The following DOCK1 variants were observed in gnomAD, a reference collection of about 807,000 sequenced individuals.
DOCK1 encodes dedicator of cytokinesis 1, also known as dedicator of cytokinesis protein 1.
A neutral mutation model predicts 262.7 loss-of-function variants in DOCK1; 138 were observed. The observed-to-expected ratio is 0.53, with a 90% CI of 0.46 to 0.61. The LOEUF is 0.61. Among genes scored for constraint, DOCK1 ranks in the 20% least tolerant of loss-of-function variants. The pLI is 0.00. For synonymous variants in DOCK1, 866 were observed against 867.4 expected, an observed-to-expected ratio of 1.00 and a Z score of 0.03; for missense variants, 1,908 against 2,370.7, an observed-to-expected ratio of 0.80 and a Z score of 4.05.
intron 1 of DOCK1, among the ~76,000 whole-genome samples, chr10:126,932,108 C>A (rs1037089907): frequency 1.3e-5 from 2 of 152,144 alleles, no homozygotes; most frequent in Non-Finnish European, 2.9e-5. Context: ...CAAAGCTGAA[C>A]TCCAGAATCA....
intron 27 of DOCK1, among the ~76,000 whole-genome samples, chr10:127,197,902 A>T (rs559216114): frequency 1.3e-5 from 2 of 152,192 alleles, no homozygotes; most frequent in African/African-American, 4.8e-5. Context: ...AGAAGAAAAA[A>T]AAATCTAAAA....
intron 26 of DOCK1, among the ~76,000 whole-genome samples, chr10:127,126,834 A>G (rs1227586097): frequency 6.6e-6 from 1 of 152,054 alleles, no homozygotes; most frequent in Admixed American, 6.6e-5. Context: ...CACCACGCCC[A>G]TATACCTGGC....
At chr10:126,931,334 G>A (rs2034171605) in intron 1 of DOCK1, among the ~76,000 whole-genome samples, 4 of 152,138 alleles carry the variant, frequency 2.6e-5, no homozygotes, top group South Asian at 4.2e-4. Flanking sequence ...GCATTTGCAC[G>A]CTGTGCAGCT....
rs1337514650 is a variant in DOCK1 at position 127,327,076 on chromosome 10, G to C, written c.3045-11930G>C. Among the ~76,000 whole-genome samples, 4 of 152,368 alleles carry C rather than the reference G, an allele frequency of 2.6e-5. No individual in the cohort carries two copies. The East Asian group carries it at 7.7e-4, about 29-fold the overall frequency. On this transcript the variant is annotated intron_variant, in intron 29 of 51. Transcript: ENST00000623213. ...CTTGCATTTATAGAGCATATGCAGA[G>C]TAGATTTAGCATAATTCTTAAGGGC...
Position 127,168,823 on chromosome 10 carries a change from G to T in DOCK1, c.2847+41059G>T, listed in dbSNP as rs568754161. Among the ~76,000 whole-genome samples, 127 of 152,294 alleles carry T rather than the reference G, an allele frequency of 8.3e-4. 1 individual carries two copies. Among genetic ancestry groups the T allele is most frequent in the Non-Finnish European group, 1.1e-3 (78 of 68,030 alleles). On this transcript the variant is annotated intron_variant, in intron 27 of 51. Transcript: ENST00000623213. ...TCCTCAGCGTTTATGCACAGCTGCT[G>T]CAGCGGTGCACAATTTTCCATGTGG... is the stretch of plus-strand genomic sequence containing the variant.
intron 1 of DOCK1, among the ~76,000 whole-genome samples, chr10:126,920,671 A>G (rs1564983487): frequency 6.6e-6 from 1 of 152,236 alleles, no homozygotes; most frequent in East Asian, 1.9e-4. Flanking sequence ...GATCTAGAAA[A>G]TAAATACTTT....
intron 1 of DOCK1, among the ~76,000 whole-genome samples, chr10:126,912,446 A>T (rs1342422320): frequency 8.2e-5 from 12 of 146,394 alleles, no homozygotes; most frequent in African/African-American, 2.8e-4. Flanking sequence ...AAAAAAAGAG[A>T]CCGGGCGCGG....
intron 29 of DOCK1, among the ~76,000 whole-genome samples, chr10:127,284,930 C>G (rs1160568857): frequency 1.3e-5 from 2 of 151,950 alleles, no homozygotes; most frequent in African/African-American, 2.4e-5. Flanking sequence ...CCCAAAAGTT[C>G]AAAACTAGAC....
At chr10:127,322,548 G>A (rs1264905061) in intron 29 of DOCK1, among the ~76,000 whole-genome samples, 2 of 152,160 alleles carry the variant, frequency 1.3e-5, no homozygotes, top group Non-Finnish European at 2.9e-5. Flanking sequence ...ACCCAATCCA[G>A]CCCTCCATCT....
chr10:127,419,641 G>T, intron 45 of DOCK1, 25 bp from the exon 46 acceptor site: 1 of 1,583,710 alleles, frequency 6.3e-7, no homozygotes, highest in Non-Finnish European at 8.6e-7. Flanking sequence ...CAGGTGCACT[G>T]AGCAACTCTC....
chr10:127,264,404 G>A (rs758687647), intron 29 of DOCK1, among the ~76,000 whole-genome samples: 4 of 152,126 alleles, frequency 2.6e-5, no homozygotes, highest in African/African-American at 9.7e-5. Context: ...TGGGACCTAC[G>A]GGAAATAATG....
chr10:126,962,155 G>T (rs1346687386), intron 1 of DOCK1, among the ~76,000 whole-genome samples: 1 of 138,850 alleles, frequency 7.2e-6, no homozygotes, highest in Admixed American at 7.8e-5. Flanking sequence ...GTACCACCAT[G>T]CCCGACTCTT....
At chr10:127,236,911 A>G (rs183451076) in intron 27 of DOCK1, among the ~76,000 whole-genome samples, 1 of 152,282 alleles carries the variant, frequency 6.6e-6, no homozygotes, top group East Asian at 1.9e-4. Context: ...GATGAGGAAA[A>G]CGAGGCTCAG....
chr10:127,347,877 C>A, intron 31 of DOCK1, among the ~76,000 whole-genome samples: 1 of 84,286 alleles, frequency 1.2e-5, no homozygotes, highest in South Asian at 5.7e-4. Flanking sequence ...CCCTTCCCTT[C>A]CCTTCCCATC....
intron 27 of DOCK1, among the ~76,000 whole-genome samples, chr10:127,215,878 G>T (rs1212394818): frequency 2.0e-5 from 3 of 147,898 alleles, no homozygotes; most frequent in Non-Finnish European, 4.4e-5. Flanking sequence ...AATAATCCCT[G>T]CAGTGAAACA....
chr10:126,970,280 C>G (rs571235558), intron 1 of DOCK1, among the ~76,000 whole-genome samples: 1 of 152,272 alleles, frequency 6.6e-6, no homozygotes, highest in South Asian at 2.1e-4. Context: ...TTTTTGTCTA[C>G]TGTGATTGTA....
At chr10:126,968,457 A>G (rs2037845073) in intron 1 of DOCK1, among the ~76,000 whole-genome samples, 1 of 152,062 alleles carries the variant, frequency 6.6e-6, no homozygotes, top group South Asian at 2.1e-4. Context: ...TTTCACAGTT[A>G]AATGTGAAGT....
At chr10:126,997,650 C>G (rs2040306174) in intron 7 of DOCK1, among the ~76,000 whole-genome samples, 1 of 152,140 alleles carries the variant, frequency 6.6e-6, no homozygotes. Flanking sequence ...TATACACACA[C>G]ACACAGTAGA....
intron 29 of DOCK1, among the ~76,000 whole-genome samples, chr10:127,271,508 G>T (rs1252419525): frequency 2.0e-5 from 3 of 152,066 alleles, no homozygotes; most frequent in African/African-American, 7.2e-5. Context: ...TTTTTCCATG[G>T]AACCGAAATG....
Sources: allele counts gnomAD v4.1 joint callset (sites outside exome capture counted in the v4.1 genomes callset), GRCh38; gene constraint gnomAD v4.1.1; transcripts MANE v1.5; gene names NCBI Gene and HGNC (gene_info 2026-07-23, HGNC 2026-07-21).